PIEZO2: variants seen among roughly 807,000 people sequenced by gnomAD.
The protein encoded by PIEZO2 is piezo type mechanosensitive ion channel component 2.
In PIEZO2, 172 loss-of-function variants were observed where a neutral mutation model predicts 337.3. The ratio of observed to expected loss-of-function variants is 0.51; its 90% CI spans 0.45 to 0.58. The LOEUF (loss-of-function observed/expected upper bound fraction) is 0.58. PIEZO2 is among the 20% of genes least tolerant of loss of function. PIEZO2 has a pLI of 0.00. For synonymous variants in PIEZO2, 1,251 were observed against 1,228.5 expected (o/e 1.02, Z -0.38); for missense variants, 3,028 against 3,391.3 (o/e 0.89, Z 2.66).
Position 11,099,471 on chromosome 18 carries a change from CT to C in PIEZO2, c.65-33250del, listed in dbSNP as rs1054170795. 3.9e-5 allele frequency among the ~76,000 whole-genome samples: 6 copies of C among 152,174 alleles called. No homozygotes were observed. Among genetic ancestry groups the C allele is most frequent in the African/African-American group, 1.4e-4 (6 of 41,534 alleles). ...TAACATTTCAATTTATATCTTTATT[CT>C]TTTTTTCTTTTTGAGACAGAGTCTC... is the stretch of plus-strand genomic sequence containing the variant. On this transcript the variant is annotated intron_variant, in intron 1 of 55. Transcript: ENST00000674853. The surrounding 1 kb of genome is among the most constrained non-coding windows in gnomAD (Gnocchi z 5.4).
At chr18:10,917,356 G>T (rs1392875513) in intron 3 of PIEZO2, among the ~76,000 whole-genome samples, 1 of 152,050 alleles carries the variant, frequency 6.6e-6, no homozygotes, top group African/African-American at 2.4e-5. Flanking sequence ...ACACAAAAGG[G>T]TTTTTAACAG....
chr18:10,764,567 G>T (rs2038275388), intron 21 of PIEZO2, among the ~76,000 whole-genome samples: 1 of 148,606 alleles, frequency 6.7e-6, no homozygotes, highest in Non-Finnish European at 1.5e-5. Flanking sequence ...TCCAGCCTGG[G>T]TGACAGAGTG....
At chr18:10,891,182 G>A (rs542148715) in intron 4 of PIEZO2, among the ~76,000 whole-genome samples, 3 of 152,184 alleles carry the variant, frequency 2.0e-5, no homozygotes, top group African/African-American at 7.2e-5. Flanking sequence ...AAATTAGCTG[G>A]GTGTGGTGGT....
At chr18:10,704,954 G>A (rs758833672) in intron 41 of PIEZO2, among the ~76,000 whole-genome samples, 6 of 152,176 alleles carry the variant, frequency 3.9e-5, no homozygotes, top group Non-Finnish European at 7.4e-5. Context: ...GCCTCCCAAA[G>A]TGCTGGGATT....
At chr18:10,820,324 C>G (rs1728014) in intron 7 of PIEZO2, among the ~76,000 whole-genome samples, 28,117 of 150,656 alleles carry the variant, frequency 0.19, 2,667 homozygotes, top group Middle Eastern at 0.24. Flanking sequence ...TGTCCTATAG[C>G]TTATGTGGTT....
chr18:10,846,622 A>G lies in PIEZO2; in HGVS notation c.917+8731T>C, dbSNP rs1406883576. Reference sequence around the variant, plus strand: ...GAAGAACTGGGTCCTAGTGAGTCAGACATATGCATGAAGGGATTATTATGG... The same window carrying G: ...GAAGAACTGGGTCCTAGTGAGTCAGGCATATGCATGAAGGGATTATTATGG... On this transcript the variant is annotated intron_variant, in intron 7 of 55. Transcript: ENST00000674853. The surrounding 1 kb of genome is among the most constrained non-coding windows in gnomAD (Gnocchi z 4.1). Among the ~76,000 whole-genome samples the G allele has an allele frequency of 6.6e-6, 1 of 152,308 alleles. No homozygotes were observed. Among genetic ancestry groups the G allele is most frequent in the African/African-American group, 2.4e-5 (1 of 41,566 alleles).
At chr18:10,868,229 G>T (rs999773620) in intron 5 of PIEZO2, among the ~76,000 whole-genome samples, 3 of 152,222 alleles carry the variant, frequency 2.0e-5, no homozygotes, top group Non-Finnish European at 4.4e-5. Flanking sequence ...TGAGATAAAT[G>T]AAAGAAGAAA....
intron 7 of PIEZO2, among the ~76,000 whole-genome samples, chr18:10,818,021 C>G (rs2040414766): frequency 6.6e-6 from 1 of 151,354 alleles, no homozygotes; most frequent in Non-Finnish European, 1.5e-5. Context: ...ACAACATATG[C>G]TAAATAAAGT....
chr18:10,801,677 T>C (rs1446166453), intron 9 of PIEZO2, among the ~76,000 whole-genome samples: 1 of 150,848 alleles, frequency 6.6e-6, no homozygotes, highest in Non-Finnish European at 1.5e-5. Flanking sequence ...CTATAAATGT[T>C]ACCATGTTTT....
intron 1 of PIEZO2, among the ~76,000 whole-genome samples, chr18:11,079,816 C>T (rs1319181354): frequency 6.6e-6 from 1 of 152,162 alleles, no homozygotes; most frequent in Non-Finnish European, 1.5e-5. Context: ...AAAAGCATGT[C>T]TACCAATAAA....
chr18:11,008,979 G>A (rs1022827586), intron 2 of PIEZO2, among the ~76,000 whole-genome samples: 2 of 152,152 alleles, frequency 1.3e-5, no homozygotes, highest in Non-Finnish European at 2.9e-5. Flanking sequence ...ACAGACGTAG[G>A]AATCTTTTTA....
rs1185897300 is a variant in PIEZO2, at chr18:10,830,067, A to C, written c.918-22793T>G. Among the ~76,000 whole-genome samples, 1 of 152,160 alleles carries C rather than the reference A, an allele frequency of 6.6e-6. No individual in the cohort carries two copies. Among genetic ancestry groups the C allele is most frequent in the Non-Finnish European group, 1.5e-5 (1 of 68,022 alleles). ...ATTATACTACAGAGCTCTAGTAACC[A>C]AAACAGTATGGTACTGGCATAAAAA... is the stretch of plus-strand genomic sequence containing the variant. On this transcript the variant is annotated intron_variant, in intron 7 of 55. Transcript: ENST00000674853. This position sits in a 1 kb window ranked among gnomAD's most constrained non-coding sequence, Gnocchi z 4.7.
At chr18:11,023,070 C>T (rs1340981578) in intron 2 of PIEZO2, among the ~76,000 whole-genome samples, 2 of 151,992 alleles carry the variant, frequency 1.3e-5, no homozygotes, top group East Asian at 1.9e-4. Flanking sequence ...GACCCTTCGC[C>T]GTGAGTGTTA....
Position 11,111,000 on chromosome 18 carries a change from G to A in PIEZO2, c.64+37525C>T, listed in dbSNP as rs2039714234. On this transcript the variant is annotated intron_variant, in intron 1 of 55. Transcript: ENST00000674853. This position sits in a 1 kb window ranked among gnomAD's most constrained non-coding sequence, Gnocchi z 4.2. ...AGCCACTGCAGGGCTTCGGAACGGA[G>A]GAGAAGCTGAGATACTTCAGTGCAG... 6.6e-6 allele frequency among the ~76,000 whole-genome samples: 1 copy of A among 152,198 alleles called. No individual in the cohort carries two copies. Among genetic ancestry groups the A allele is most frequent in the East Asian group, 1.9e-4 (1 of 5,190 alleles).
In PIEZO2 at chr18:11,143,736, C is replaced by A. The variant is rs762630753; in HGVS notation, c.64+4789G>T. Among the ~76,000 whole-genome samples, 1 of 151,836 alleles carries A rather than the reference C, an allele frequency of 6.6e-6. No homozygotes were observed. Among genetic ancestry groups the A allele is most frequent in the Non-Finnish European group, 1.5e-5 (1 of 67,978 alleles). ...CTAAGTTGCCTTCCCGTGAATCCCA[C>A]ATCCTCAGATCAGCCTTCTCCTGGC... is the stretch of plus-strand genomic sequence containing the variant. On this transcript the variant is annotated intron_variant, in intron 1 of 55. Transcript: ENST00000674853. This position sits in a 1 kb window ranked among gnomAD's most constrained non-coding sequence, Gnocchi z 4.9.
At position 10,775,864 on chromosome 18, in the gene PIEZO2, C is replaced by CA. The variant is rs1250228790; in HGVS notation, c.2535-1827dup. Among the ~76,000 whole-genome samples, 1 of 152,016 alleles carries CA rather than the reference C, an allele frequency of 6.6e-6. No individual in the cohort carries two copies. Among genetic ancestry groups the CA allele is most frequent in the Admixed American group, 6.5e-5 (1 of 15,268 alleles). On this transcript the variant is annotated intron_variant, in intron 18 of 55. Coordinates refer to ENST00000674853, the MANE Select transcript of PIEZO2 (RefSeq NM_001378183.1). This position sits in a 1 kb window ranked among gnomAD's most constrained non-coding sequence, Gnocchi z 4.3. ...CCTCTGACCTTAGAGCCACAAACTC[C>CA]AGACCCTCTCTGGAGCAGTCTAACC...
At chr18:10,865,104 C>T (rs923426457) in intron 5 of PIEZO2, among the ~76,000 whole-genome samples, 2 of 152,150 alleles carry the variant, frequency 1.3e-5, no homozygotes, top group African/African-American at 4.8e-5. Flanking sequence ...TAGCCAAACA[C>T]AGAGAGAAGG....
chr18:10,930,336 T>C (rs1378753653), intron 3 of PIEZO2, among the ~76,000 whole-genome samples: 3 of 152,180 alleles, frequency 2.0e-5, no homozygotes, highest in African/African-American at 7.2e-5. Context: ...ACTCCCACCC[T>C]CTTACCTTAA....
chr18:11,088,526 A>T (rs375106541), intron 1 of PIEZO2, among the ~76,000 whole-genome samples: 16,128 of 152,264 alleles, frequency 0.11, 1,035 homozygotes, highest in Non-Finnish European at 0.15. Flanking sequence ...AGTTTTTTAA[A>T]TTCTTTGATC....
Sources: gnomAD v4.1 joint callset for allele counts (sites outside exome capture counted in the v4.1 genomes callset) on GRCh38, gnomAD v4.1.1 for gene constraint, Gnocchi (gnomAD v3.1) non-coding constraint, MANE v1.5 for transcripts, NCBI Gene and HGNC (gene_info 2026-07-23, HGNC 2026-07-21) for gene names.